NYAP2: variants seen among roughly 807,000 people sequenced by gnomAD.
NYAP2 encodes the protein neuronal tyrosine-phosphorylated phosphoinositide-3-kinase adapter 2.
In NYAP2, 23 loss-of-function variants were observed where a neutral mutation model predicts 50.4. The observed-to-expected ratio is 0.46, with a 90% CI of 0.33 to 0.65. NYAP2 has a LOEUF of 0.65. NYAP2 is among the 30% of genes least tolerant of loss of function. NYAP2 has a pLI of 0.02. For synonymous variants in NYAP2, 394 were observed against 365.2 expected (o/e 1.08, Z -0.90); for missense variants, 885 against 861.0 (o/e 1.03, Z -0.35).
chr2:225,520,367 T>C (rs936153120), intron 4 of NYAP2, among the ~76,000 whole-genome samples: 1 of 152,120 alleles, frequency 6.6e-6, no homozygotes, highest in Admixed American at 6.6e-5. Context: ...TCCTGAATGG[T>C]AATGCCTAGG....
chr2:225,566,305 T>C (rs533203992), intron 4 of NYAP2, among the ~76,000 whole-genome samples: 5 of 152,326 alleles, frequency 3.3e-5, no homozygotes, highest in East Asian at 1.9e-4. Context: ...TGTAATTCCA[T>C]GCTGCTTCCT....
chr2:225,546,750 G>A (rs1045083726), intron 4 of NYAP2, among the ~76,000 whole-genome samples: 11 of 152,054 alleles, frequency 7.2e-5, no homozygotes, highest in African/African-American at 2.4e-4. Flanking sequence ...GTTTTCTCAA[G>A]CAGAAGGAGT....
At chr2:225,517,018 T>G (rs1690946901) in intron 4 of NYAP2, among the ~76,000 whole-genome samples, 1 of 152,052 alleles carries the variant, frequency 6.6e-6, no homozygotes, top group Non-Finnish European at 1.5e-5. Context: ...AGAACTGGAC[T>G]CTACAAAATG....
upstream of NYAP2, among the ~76,000 whole-genome samples, chr2:225,399,343 TAC>T (rs1216037231): frequency 1.3e-5 from 2 of 152,002 alleles, no homozygotes. Context: ...TAAATACAAA[TAC>T]ACACAAACAC....
chr2:225,661,475 T>A, the NYAP2 span, among the ~76,000 whole-genome samples: 1 of 152,192 alleles, frequency 6.6e-6, no homozygotes, highest in East Asian at 1.9e-4. Context: ...TTCTTATGTG[T>A]TTGCCAGAGT....
chr2:225,487,905 C>T (rs190467468), intron 3 of NYAP2, among the ~76,000 whole-genome samples: 7 of 152,284 alleles, frequency 4.6e-5, no homozygotes, highest in Admixed American at 1.3e-4. Context: ...CCTCTATTCG[C>T]TTTCTCTATG....
intron 3 of NYAP2, among the ~76,000 whole-genome samples, chr2:225,477,365 T>G (rs909444061): frequency 6.7e-6 from 1 of 150,188 alleles, no homozygotes; most frequent in Admixed American, 6.7e-5. Flanking sequence ...GCCTCCCGAG[T>G]AGCTGGGACT....
intron 4 of NYAP2, among the ~76,000 whole-genome samples, chr2:225,573,561 T>C (rs950017835): frequency 2.8e-5 from 4 of 144,748 alleles, no homozygotes; most frequent in African/African-American, 1.2e-4. Flanking sequence ...CAAAATTTTA[T>C]TATTTCTTGT....
the NYAP2 span, among the ~76,000 whole-genome samples, chr2:225,675,707 G>A: frequency 6.6e-6 from 1 of 152,072 alleles, no homozygotes; most frequent in Admixed American, 6.6e-5. Flanking sequence ...TAAGTTCTTT[G>A]AGAAATCTCC....
exon 7 of NYAP2, chr2:225,651,497 A>C (rs879014112): frequency 6.2e-7 from 1 of 1,613,720 alleles, no homozygotes; most frequent in South Asian, 1.1e-5. Flanking sequence ...TCCATCAGTC[A>C]CTCCCCTCAG....
rs13406326 is a variant in NYAP2, at chr2:225,440,969, C to T, written c.221+31868C>T. Among the ~76,000 whole-genome samples, 3 of 152,158 alleles carry T rather than the reference C, an allele frequency of 2.0e-5. No homozygotes were observed. In the East Asian group the frequency reaches 5.8e-4, roughly 29 times the overall value. ...GTCAATGGAGGCTGGTGTCAAGGAG[C>T]CTTGGTGATCACTGCTGCTCTCTAT... On this transcript the variant is annotated intron_variant, in intron 3 of 6. Coordinates refer to ENST00000636099, the Ensembl canonical transcript of NYAP2.
At chr2:225,451,372 T>C (rs911996171) in intron 3 of NYAP2, among the ~76,000 whole-genome samples, 5 of 152,216 alleles carry the variant, frequency 3.3e-5, no homozygotes, top group Non-Finnish European at 7.3e-5. Flanking sequence ...TTAATAATTA[T>C]ATCTGTAGGA....
chr2:225,476,403 ACT>A (rs1351272214), intron 3 of NYAP2, among the ~76,000 whole-genome samples: 3 of 145,252 alleles, frequency 2.1e-5, no homozygotes, highest in South Asian at 2.2e-4. Context: ...ACAGAGCGGG[ACT>A]CTGTCTCAAA....
At chr2:225,645,484 A>T (rs1693616873) in intron 6 of NYAP2, among the ~76,000 whole-genome samples, 1 of 147,690 alleles carries the variant, frequency 6.8e-6, no homozygotes, top group Non-Finnish European at 1.5e-5. Flanking sequence ...TCCCTCCTCC[A>T]CTGCCTTTCT....
Position 225,602,667 on chromosome 2 carries a change from C to T in NYAP2, c.1618+19632C>T, listed in dbSNP as rs187289109. On this transcript the variant is annotated intron_variant, in intron 5 of 6. Coordinates refer to ENST00000636099, the Ensembl canonical transcript of NYAP2. ...GGTAGTGTAAGGTAAGAGTTCTACTCTATTCTTTTACATATGGATATTCAG... is the reference window on the plus strand; with the variant it reads ...GGTAGTGTAAGGTAAGAGTTCTACTTTATTCTTTTACATATGGATATTCAG... Among the ~76,000 whole-genome samples the T allele has an allele frequency of 6.8e-4, 104 of 152,242 alleles. 1 individual carries two copies. Among genetic ancestry groups the T allele is most frequent in the Non-Finnish European group, 1.2e-3 (84 of 68,014 alleles).
At chr2:225,581,946 G>T in exon 5 of NYAP2, 1 of 1,595,868 alleles carries the variant, frequency 6.3e-7, no homozygotes, top group Non-Finnish European at 8.6e-7. Context: ...TTTAGCGTCA[G>T]CTAAACCAAG....
intron 4 of NYAP2, among the ~76,000 whole-genome samples, chr2:225,522,828 G>A (rs192734099): frequency 2.1e-4 from 32 of 152,150 alleles, no homozygotes; most frequent in Admixed American, 1.5e-3. Flanking sequence ...TGACAAACAC[G>A]TGCCTTTCTT....
At chr2:225,411,619 A>T (rs965211812) in intron 3 of NYAP2, among the ~76,000 whole-genome samples, 2 of 151,986 alleles carry the variant, frequency 1.3e-5, no homozygotes, top group Non-Finnish European at 2.9e-5. Flanking sequence ...TAAAAAAAAA[A>T]CCCAGGGTTG....
chr2:225,459,444 A>C (rs7608666), intron 3 of NYAP2, among the ~76,000 whole-genome samples: 89,549 of 151,996 alleles, frequency 0.59, 29,900 homozygotes, highest in Non-Finnish European at 0.75. Context: ...AATTTAACGG[A>C]TTGAAAATAA....
Sources: allele counts gnomAD v4.1 joint callset (sites outside exome capture counted in the v4.1 genomes callset), GRCh38; gene constraint gnomAD v4.1.1; transcripts MANE v1.5; gene names NCBI Gene and HGNC (gene_info 2026-07-23, HGNC 2026-07-21).